Variants in GAREM1 observed in about 807,000 individuals in gnomAD.
GAREM1 encodes the protein GRB2-associated and regulator of MAPK protein 1.
A neutral mutation model predicts 71.3 loss-of-function variants in GAREM1; 26 were observed. That is an observed-to-expected ratio of 0.36 (90% CI 0.27 to 0.51). The LOEUF (loss-of-function observed/expected upper bound fraction) is 0.51. Among genes scored for constraint, GAREM1 ranks in the 20% least tolerant of loss-of-function variants. GAREM1 has a pLI of 0.95. For synonymous variants in GAREM1, 440 were observed against 433.2 expected (o/e 1.02, Z -0.20); for missense variants, 1,026 against 1,103.1 (o/e 0.93, Z 0.99).
intron 2 of GAREM1, among the ~76,000 whole-genome samples, chr18:32,382,259 A>G (rs1211102390): frequency 1.3e-5 from 2 of 152,174 alleles, no homozygotes; most frequent in African/African-American, 4.8e-5. Context: ...GCAAATTGTT[A>G]CAGGGATTCT....
chr18:32,317,864 T>C (rs1289265093), intron 2 of GAREM1, among the ~76,000 whole-genome samples: 1 of 152,186 alleles, frequency 6.6e-6, no homozygotes, highest in Non-Finnish European at 1.5e-5. Context: ...GCCAGTTTCC[T>C]GCCAAAAGTG....
rs191756937 is a variant in GAREM1 at position 32,436,146 on chromosome 18, T to C, written c.121+34162A>G. ...ATGGTATACGGTAGAACTGATTAAG[T>C]TGTTAAAAGATAAAGGGAAGACAAT... On this transcript the variant is annotated intron_variant, in intron 1 of 5. Coordinates refer to ENST00000269209, the MANE Select transcript of GAREM1 (RefSeq NM_001242409.2). Among the ~76,000 whole-genome samples the C allele has an allele frequency of 3.5e-3, 532 of 152,216 alleles. 3 individuals carry two copies. The highest frequency in any genetic ancestry group is 0.012 in the African/African-American group (509 of 41,522).
chr18:32,436,260 A>G (rs776743842), intron 1 of GAREM1, among the ~76,000 whole-genome samples: 1 of 152,298 alleles, frequency 6.6e-6, no homozygotes, highest in South Asian at 2.1e-4. Flanking sequence ...GCAGCACAGA[A>G]CCAACCTGTG....
At chr18:32,392,169 T>C (rs2048207385) in intron 2 of GAREM1, among the ~76,000 whole-genome samples, 2 of 152,038 alleles carry the variant, frequency 1.3e-5, no homozygotes, top group South Asian at 4.1e-4. Context: ...ATATAATGTA[T>C]TATAAGTGCC....
At chr18:32,383,879 T>C (rs2048119948) in intron 2 of GAREM1, among the ~76,000 whole-genome samples, 1 of 152,076 alleles carries the variant, frequency 6.6e-6, no homozygotes, top group Admixed American at 6.5e-5. Context: ...GCAAGGATTC[T>C]GAGTAAACAG....
chr18:32,452,325 C>T (rs1323959499), intron 1 of GAREM1, among the ~76,000 whole-genome samples: 1 of 152,130 alleles, frequency 6.6e-6, no homozygotes, highest in Non-Finnish European at 1.5e-5. Context: ...TAAGAGCCAC[C>T]AAGTTAGCCA....
At position 32,263,549 on chromosome 18, in the gene GAREM1, C is replaced by T. The variant is rs1369047884; in HGVS notation, c.*4322G>A. The T allele has an allele frequency of 1.3e-5, 2 of 152,122 alleles. No homozygotes were observed. Among genetic ancestry groups the T allele is most frequent in the African/African-American group, 4.8e-5 (2 of 41,418 alleles). The allele number at this position is 152,122 out of a possible 1,614,324, so 9.4% of individuals were successfully genotyped here. On this transcript the variant is annotated 3_prime_UTR_variant, in exon 6 of 6. Transcript: ENST00000269209. ...ACTTTGAAAATTTCTTTATTACAGA[C>T]ATTTCAGAACCATTTAAATCAACAG...
intron 1 of GAREM1, among the ~76,000 whole-genome samples, chr18:32,415,040 A>G (rs907770929): frequency 2.8e-4 from 42 of 152,158 alleles, no homozygotes; most frequent in African/African-American, 9.9e-4. Context: ...CTGATACCAC[A>G]GAAATTCAAA....
chr18:32,370,403 C>T (rs2144625382), intron 2 of GAREM1, among the ~76,000 whole-genome samples: 1 of 131,208 alleles, frequency 7.6e-6, no homozygotes, highest in South Asian at 2.4e-4. Flanking sequence ...AGCCTGGCAA[C>T]AGAGCAAAAC....
At chr18:32,356,907 G>A (rs965876628) in intron 2 of GAREM1, among the ~76,000 whole-genome samples, 6 of 152,094 alleles carry the variant, frequency 3.9e-5, no homozygotes, top group Non-Finnish European at 8.8e-5. Context: ...CCCCAACCAT[G>A]GCAATCAATG....
chr18:32,322,899 T>C (rs2047443525), intron 2 of GAREM1, among the ~76,000 whole-genome samples: 1 of 152,230 alleles, frequency 6.6e-6, no homozygotes, highest in African/African-American at 2.4e-5. Context: ...TGGAATCATG[T>C]CTTCTGCTTC....
At chr18:32,373,078 A>C (rs890530990) in intron 2 of GAREM1, among the ~76,000 whole-genome samples, 32 of 152,206 alleles carry the variant, frequency 2.1e-4, no homozygotes, top group African/African-American at 7.5e-4. Context: ...GTCTGTAAAC[A>C]ATAGAAGATT....
intron 1 of GAREM1, among the ~76,000 whole-genome samples, chr18:32,419,983 A>C (rs1568004493): frequency 6.6e-6 from 1 of 152,214 alleles, no homozygotes; most frequent in Non-Finnish European, 1.5e-5. Flanking sequence ...GCCACGTAAC[A>C]GTATAGCCTG....
intron 4 of GAREM1, among the ~76,000 whole-genome samples, chr18:32,282,098 C>T (rs769082288): frequency 9.9e-5 from 15 of 152,158 alleles, no homozygotes; most frequent in East Asian, 1.9e-4. Context: ...GGCCCCACCC[C>T]TATCTCCCTT....
At chr18:32,450,251 C>T (rs1476028862) in intron 1 of GAREM1, among the ~76,000 whole-genome samples, 1 of 152,162 alleles carries the variant, frequency 6.6e-6, no homozygotes, top group Non-Finnish European at 1.5e-5. Context: ...CTCTTCCCTG[C>T]TGGATTAGAA....
chr18:32,447,447 C>T (rs1029727541), intron 1 of GAREM1, among the ~76,000 whole-genome samples: 1 of 152,082 alleles, frequency 6.6e-6, no homozygotes, highest in Non-Finnish European at 1.5e-5. Flanking sequence ...GGCATACACT[C>T]CTTCTCCTCA....
At chr18:32,274,641 G>A (rs1036286203) in intron 4 of GAREM1, among the ~76,000 whole-genome samples, 3 of 152,206 alleles carry the variant, frequency 2.0e-5, no homozygotes, top group South Asian at 2.1e-4. Context: ...ATATGGGCAC[G>A]CAGGTCCATG....
rs1358232981 is a variant in GAREM1, at chr18:32,264,790, A to C, written c.*3081T>G. On this transcript the variant is annotated 3_prime_UTR_variant, in exon 6 of 6. Coordinates refer to ENST00000269209, the MANE Select transcript of GAREM1 (RefSeq NM_001242409.2). ...CTGCCTCCCAACATGAGTCAGGTCC[A>C]CATTATACATTTTAGTTGCTTGGCT... 1 of 152,246 alleles carries C rather than the reference A, an allele frequency of 6.6e-6. No homozygotes were observed. The highest frequency in any genetic ancestry group is 6.5e-5 in the Admixed American group (1 of 15,284). The allele number at this position is 152,246 out of a possible 1,614,324, so 9.4% of individuals were successfully genotyped here.
intron 2 of GAREM1, among the ~76,000 whole-genome samples, chr18:32,390,273 G>T (rs2048183376): frequency 6.6e-6 from 1 of 152,002 alleles, no homozygotes; most frequent in Non-Finnish European, 1.5e-5. Flanking sequence ...AATTTGTCTT[G>T]TAAAGCAAGT....
Sources: gnomAD v4.1 joint callset for allele counts (sites outside exome capture counted in the v4.1 genomes callset) on GRCh38, gnomAD v4.1.1 for gene constraint, MANE v1.5 for transcripts, NCBI Gene and HGNC (gene_info 2026-07-23, HGNC 2026-07-21) for gene names.